Variants in AGBL4 observed in about 807,000 individuals in gnomAD.
AGBL4 encodes the protein cytosolic carboxypeptidase 6.
A neutral mutation model predicts 66.4 loss-of-function variants in AGBL4; 58 were observed. That is an observed-to-expected ratio of 0.87 (90% CI 0.71 to 1.09). The LOEUF is 1.09. Among genes scored for constraint, AGBL4 ranks in the 50% least tolerant of loss-of-function variants. AGBL4 has a pLI of 0.00. For missense variants in AGBL4, 579 were observed against 631.0 expected, an observed-to-expected ratio of 0.92 and a Z score of 0.88; for synonymous variants, 234 against 222.9, an observed-to-expected ratio of 1.05 and a Z score of -0.44.
intron 3 of AGBL4, among the ~76,000 whole-genome samples, chr1:49,666,294 G>A (rs1646366005): frequency 1.3e-5 from 2 of 152,156 alleles, no homozygotes; most frequent in Non-Finnish European, 2.9e-5. Context: ...GCCAGGCACA[G>A]TGGCCCATGC....
intron 3 of AGBL4, among the ~76,000 whole-genome samples, chr1:49,470,440 T>G (rs764895121): frequency 6.6e-6 from 1 of 151,992 alleles, no homozygotes; most frequent in Non-Finnish European, 1.5e-5. Flanking sequence ...AACAATAAGA[T>G]AGATACCAAA....
chr1:48,957,989 T>C (rs1657626855), intron 5 of AGBL4, among the ~76,000 whole-genome samples: 1 of 152,118 alleles, frequency 6.6e-6, no homozygotes, highest in Non-Finnish European at 1.5e-5. Flanking sequence ...TTCTGCAGGC[T>C]TGTTTTTTTT....
chr1:48,944,607 G>A (rs1438797266), intron 5 of AGBL4, among the ~76,000 whole-genome samples: 1 of 152,116 alleles, frequency 6.6e-6, no homozygotes, highest in Non-Finnish European at 1.5e-5. Context: ...TATAACCCCA[G>A]CGTGCCCACG....
chr1:49,917,569 C>T (rs555020795), intron 1 of AGBL4, among the ~76,000 whole-genome samples: 1 of 152,092 alleles, frequency 6.6e-6, no homozygotes, highest in African/African-American at 2.4e-5. Flanking sequence ...TACAGGAGCA[C>T]CAAGATTCAT....
chr1:48,653,325 C>G lies in AGBL4; in HGVS notation c.839+12G>C. 1 of 1,549,948 alleles carries G rather than the reference C, an allele frequency of 6.5e-7. No individual in the cohort carries two copies. Among genetic ancestry groups the G allele is most frequent in the Non-Finnish European group, 8.8e-7 (1 of 1,142,090 alleles). On this transcript the variant is annotated intron_variant, in intron 8 of 13. Transcript: ENST00000371839. Reference sequence around the variant, plus strand: ...AAGTACTTGCTTCCAAGCATTCTCCCCAATTCCTTACCTGTAATTGCCCAG... The same window carrying G: ...AAGTACTTGCTTCCAAGCATTCTCCGCAATTCCTTACCTGTAATTGCCCAG...
chr1:49,845,903 G>A (rs1175838305), intron 2 of AGBL4: 20 of 1,430,984 alleles, frequency 1.4e-5, no homozygotes, highest in East Asian at 2.3e-5. Context: ...AATCCACACA[G>A]GGCAGAAGCC....
chr1:48,524,378 A>G, the AGBL4 span, among the ~76,000 whole-genome samples: 2 of 152,220 alleles, frequency 1.3e-5, no homozygotes, highest in African/African-American at 4.8e-5. Context: ...CCTAAACACA[A>G]GATCACCTGG....
chr1:49,076,309 A>G, intron 4 of AGBL4, among the ~76,000 whole-genome samples: 1 of 152,200 alleles, frequency 6.6e-6, no homozygotes. Flanking sequence ...CCTCCTATAT[A>G]TTTTAAATCA....
chr1:48,940,611 T>A (rs1290261143), intron 5 of AGBL4, among the ~76,000 whole-genome samples: 1 of 152,152 alleles, frequency 6.6e-6, no homozygotes, highest in Admixed American at 6.5e-5. Flanking sequence ...CTGGCCAGGG[T>A]ACTTACCCAT....
intron 3 of AGBL4, among the ~76,000 whole-genome samples, chr1:49,652,001 A>G (rs950098532): frequency 1.3e-5 from 2 of 152,170 alleles, no homozygotes; most frequent in African/African-American, 4.8e-5. Flanking sequence ...AAGATATAAT[A>G]AAAAAGAATT....
chr1:49,487,659 T>A (rs1424809800), intron 3 of AGBL4, among the ~76,000 whole-genome samples: 1 of 151,926 alleles, frequency 6.6e-6, no homozygotes, highest in Non-Finnish European at 1.5e-5. Context: ...AAACTGTGAG[T>A]CAATTAAACC....
At chr1:49,373,796 T>C (rs1644416195) in intron 3 of AGBL4, among the ~76,000 whole-genome samples, 1 of 152,068 alleles carries the variant, frequency 6.6e-6, no homozygotes, top group Non-Finnish European at 1.5e-5. Context: ...GGAATCTTTT[T>C]AGAGGAGGAG....
chr1:49,914,194 G>C (rs1471852052), intron 1 of AGBL4, among the ~76,000 whole-genome samples: 1 of 152,090 alleles, frequency 6.6e-6, no homozygotes, highest in Admixed American at 6.5e-5. Context: ...ATTATAAATT[G>C]TGTCTTTGTC....
At chr1:49,977,048 CAT>C (rs925476541) in intron 1 of AGBL4, among the ~76,000 whole-genome samples, 1 of 152,222 alleles carries the variant, frequency 6.6e-6, no homozygotes, top group African/African-American at 2.4e-5. Context: ...AATATTAACT[CAT>C]ATTTCTAATT....
intron 4 of AGBL4, among the ~76,000 whole-genome samples, chr1:49,092,188 A>T (rs534354264): frequency 3.9e-5 from 6 of 152,174 alleles, no homozygotes; most frequent in Non-Finnish European, 7.4e-5. Flanking sequence ...AAAAGTTAAA[A>T]CAAAACAAAC....
chr1:49,231,058 G>A (rs1245365961), intron 4 of AGBL4, among the ~76,000 whole-genome samples: 1 of 152,152 alleles, frequency 6.6e-6, no homozygotes, highest in African/African-American at 2.4e-5. Context: ...AGACTATGTA[G>A]GGTTTTATGA....
chr1:48,534,023 G>A lies in AGBL4; in HGVS notation c.*150C>T, dbSNP rs1180805918. Reference sequence around the variant, plus strand: ...TTTCCATTGGAAAAAGGGAAAATCAGTGATGAAGTTTCTCATTGTATCCCT... The same window carrying A: ...TTTCCATTGGAAAAAGGGAAAATCAATGATGAAGTTTCTCATTGTATCCCT... On this transcript the variant is annotated 3_prime_UTR_variant, in exon 14 of 14. Transcript: ENST00000371839. 2.4e-6 allele frequency: 3 copies of A among 1,272,166 alleles called. No homozygotes were observed. Among genetic ancestry groups the A allele is most frequent in the South Asian group, 2.6e-5 (2 of 75,690 alleles). 78.8% of individuals were successfully genotyped at this position (1,272,166 alleles called of 1,614,324 possible).
chr1:49,360,219 C>T (rs1461566659), intron 3 of AGBL4, among the ~76,000 whole-genome samples: 2 of 152,104 alleles, frequency 1.3e-5, no homozygotes, highest in Non-Finnish European at 2.9e-5. Context: ...TCAGAGAGCC[C>T]TATTTTAGAA....
chr1:49,127,451 A>T (rs1461445291), intron 4 of AGBL4, among the ~76,000 whole-genome samples: 1 of 152,118 alleles, frequency 6.6e-6, no homozygotes, highest in Non-Finnish European at 1.5e-5. Context: ...AAAGAAGAAG[A>T]TATATAAATG....
Sources: gnomAD v4.1 joint callset for allele counts (sites outside exome capture counted in the v4.1 genomes callset) on GRCh38, gnomAD v4.1.1 for gene constraint, MANE v1.5 for transcripts, NCBI Gene and HGNC (gene_info 2026-07-23, HGNC 2026-07-21) for gene names.